COG6: variants seen among roughly 807,000 people sequenced by gnomAD.
The protein encoded by COG6 is conserved oligomeric Golgi complex subunit 6.
COG6 carries 74 observed loss-of-function variants against 88.8 expected under a neutral mutation model. That is an observed-to-expected ratio of 0.83 (90% confidence interval 0.69 to 1.01). The LOEUF (loss-of-function observed/expected upper bound fraction) is 1.01. COG6 is among the 50% of genes least tolerant of loss of function. COG6 has a pLI of 0.00. For missense variants in COG6, 800 were observed against 797.9 expected (o/e 1.00, Z -0.03); for synonymous variants, 286 against 278.7 (o/e 1.03, Z -0.26).
At position 39,674,072 on chromosome 13, in the gene COG6, T is replaced by A. The variant is rs183938206; in HGVS notation, c.429-3396T>A. On this transcript the variant is annotated intron_variant, in intron 4 of 18. Transcript: ENST00000455146. Reference sequence around the variant, plus strand: ...TTTTATTTTTATTTTTAATTTTTTTTAAATTATACTTTAAGTTCTAGGGTA... The same window carrying A: ...TTTTATTTTTATTTTTAATTTTTTTAAAATTATACTTTAAGTTCTAGGGTA... 1.1e-3 allele frequency among the ~76,000 whole-genome samples: 173 copies of A among 152,184 alleles called. 1 individual carries two copies. Among genetic ancestry groups the A allele is most frequent in the African/African-American group, 3.6e-3 (148 of 41,548 alleles).
At chr13:39,791,625 C>T (rs575678311) in exon 19 of COG6, 136 of 151,700 alleles carry the variant, frequency 9.0e-4, no homozygotes, top group African/African-American at 2.7e-3. Flanking sequence ...CTGAATAAAA[C>T]GAGGCAACCA....
At chr13:39,696,043 A>G (rs1392689851) in intron 12 of COG6, among the ~76,000 whole-genome samples, 1 of 152,050 alleles carries the variant, frequency 6.6e-6, no homozygotes, top group Non-Finnish European at 1.5e-5. Context: ...TTTCTAATGT[A>G]GAAAATGCTG....
chr13:39,656,977 C>T (rs185309227), intron 1 of COG6: 7 of 433,666 alleles, frequency 1.6e-5, no homozygotes, highest in East Asian at 7.0e-5. Flanking sequence ...TTTAATGTGT[C>T]TCATATTGAT....
chr13:39,683,266 T>A (rs1429436308), intron 8 of COG6, among the ~76,000 whole-genome samples: 1 of 152,188 alleles, frequency 6.6e-6, no homozygotes, highest in Admixed American at 6.5e-5. Context: ...CTAGAAGTCA[T>A]GTGCCAGATG....
Position 39,687,722 on chromosome 13 carries a change from T to C in COG6, c.932T>C (p.Met311Thr), listed in dbSNP as rs201373002. Reference protein sequence around the residue: ...SHDPLRYVGDMLAWLHQATAS... With the variant: ...SHDPLRYVGDTLAWLHQATAS... ...GTTTTCATTAGGTATGTAGGAGATA[T>C]GTTGGCTTGGCTCCATCAAGCTACT... The change falls in exon 10 of 19, where the codon ATG becomes ACG. Residue 311 changes from methionine (M) to threonine (T), a missense_variant. By Grantham distance (81) the Met-to-Thr change is moderately conservative. Coordinates refer to ENST00000455146, the MANE Select transcript of COG6 (RefSeq NM_020751.3). 4 of 1,613,968 alleles carry C rather than the reference T, an allele frequency of 2.5e-6. No homozygotes were observed. The highest frequency in any genetic ancestry group is 2.2e-5 in the East Asian group (1 of 44,890).
In COG6 at chr13:39,752,290, T is replaced by C. The variant is rs1227674653; in HGVS notation, c.*1197T>C. On this transcript the variant is annotated 3_prime_UTR_variant, in exon 19 of 19. Coordinates refer to ENST00000455146, the MANE Select transcript of COG6 (RefSeq NM_020751.3). Reference sequence around the variant, plus strand: ...ACATAAAACTAGTATTTGTAGAAGATTATGTGTTGTATATAACAAATTAGT... The same window carrying C: ...ACATAAAACTAGTATTTGTAGAAGACTATGTGTTGTATATAACAAATTAGT... 1 of 870,690 alleles carries C rather than the reference T, an allele frequency of 1.1e-6. No individual in the cohort carries two copies. The highest frequency in any genetic ancestry group is 3.7e-5 in the Admixed American group (1 of 27,326). The allele number at this position is 870,690 out of a possible 1,614,324, so 53.9% of individuals were successfully genotyped here.
intron 18 of COG6, among the ~76,000 whole-genome samples, chr13:39,783,430 G>A (rs1593489316): frequency 6.6e-6 from 1 of 152,108 alleles, no homozygotes; most frequent in South Asian, 2.1e-4. Flanking sequence ...GTTCATTTTT[G>A]TTCTGTTTTG....
At position 39,751,827 on chromosome 13, in the gene COG6, C is replaced by T. The variant is rs1476636772; in HGVS notation, c.*734C>T. ...CGATGGAACTCAAGGTGGAGCTCAG[C>T]CTTTCCAATGAGCTCTAAGCATGTA... On this transcript the variant is annotated 3_prime_UTR_variant, in exon 19 of 19. Coordinates refer to ENST00000455146, the MANE Select transcript of COG6 (RefSeq NM_020751.3). 1 of 1,287,142 alleles carries T rather than the reference C, an allele frequency of 7.8e-7. No individual in the cohort carries two copies. The highest frequency in any genetic ancestry group is 1.2e-5 in the South Asian group (1 of 80,936). 79.7% of individuals were successfully genotyped at this position (1,287,142 alleles called of 1,614,324 possible). A position where few individuals can be genotyped will look rare whatever the true frequency, so the allele number is the denominator to read the frequency against.
rs114359534 is a variant in COG6, at chr13:39,722,892, C to T, written c.1585-441C>T. On this transcript the variant is annotated intron_variant, in intron 15 of 18. Transcript: ENST00000455146. ...TCCTCAGGAGAATTTACTACCTGAG[C>T]TGTAGTGGGATTTCCTCTAGGCTTC... Among the ~76,000 whole-genome samples the T allele has an allele frequency of 8.3e-3, 1,257 of 152,126 alleles. 21 individuals carry two copies. The highest frequency in any genetic ancestry group is 0.029 in the African/African-American group (1,190 of 41,516).
chr13:39,733,455 C>CTG (rs1409739365), intron 18 of COG6, among the ~76,000 whole-genome samples: 1 of 151,972 alleles, frequency 6.6e-6, no homozygotes, highest in African/African-American at 2.4e-5. Context: ...TCCCAAAGTG[C>CTG]TGGGATTACA....
intron 11 of COG6, among the ~76,000 whole-genome samples, chr13:39,693,078 A>G (rs1010034230): frequency 2.0e-5 from 3 of 151,844 alleles, no homozygotes; most frequent in African/African-American, 7.3e-5. Flanking sequence ...ACCCTCTTAT[A>G]TAGCTCTCAT....
intron 11 of COG6, among the ~76,000 whole-genome samples, chr13:39,691,988 G>A (rs1877005416): frequency 1.3e-5 from 2 of 150,548 alleles, no homozygotes; most frequent in African/African-American, 2.4e-5. Flanking sequence ...AAAGGTTATA[G>A]TGGTAATGGG....
intron 18 of COG6, among the ~76,000 whole-genome samples, chr13:39,731,892 C>T (rs552276768): frequency 6.6e-6 from 1 of 152,116 alleles, no homozygotes; most frequent in Non-Finnish European, 1.5e-5. Flanking sequence ...GCTTTAGAGA[C>T]CTCAGAAAGT....
intron 17 of COG6, 67 bp downstream of exon 17, chr13:39,724,628 T>G: frequency 8.2e-7 from 1 of 1,220,002 alleles, no homozygotes; most frequent in Non-Finnish European, 1.2e-6. Context: ...TTTTTTGCTG[T>G]GTGATAATTT....
In COG6 at chr13:39,725,398, G is replaced by A. The variant is rs570209704; in HGVS notation, c.1746+837G>A. ...GATCCTAAGTATTTAAAATACTCAC[G>A]TATACTCACTACCACAATGGCCTGA... is the stretch of plus-strand genomic sequence containing the variant. On this transcript the variant is annotated intron_variant, in intron 17 of 18. Coordinates refer to ENST00000455146, the MANE Select transcript of COG6 (RefSeq NM_020751.3). Among the ~76,000 whole-genome samples the A allele has an allele frequency of 7.9e-5, 12 of 151,804 alleles. No homozygotes were observed. In the South Asian group the frequency reaches 1.7e-3, roughly 21 times the overall value.
At chr13:39,731,856 A>C (rs1300644205) in intron 18 of COG6, among the ~76,000 whole-genome samples, 2 of 152,194 alleles carry the variant, frequency 1.3e-5, no homozygotes, top group Admixed American at 6.5e-5. Context: ...CCAGGAAGAG[A>C]ACTACTGGAC....
chr13:39,713,311 T>C (rs539443391), intron 13 of COG6, among the ~76,000 whole-genome samples: 61 of 152,364 alleles, frequency 4.0e-4, no homozygotes, highest in African/African-American at 1.4e-3. Flanking sequence ...CAAAGCCCAC[T>C]TAATTCTAGT....
chr13:39,691,172 C>T (rs1876958334), intron 11 of COG6, among the ~76,000 whole-genome samples: 1 of 151,654 alleles, frequency 6.6e-6, no homozygotes, highest in Non-Finnish European at 1.5e-5. Context: ...TTTATAAATA[C>T]TATAATTTTA....
At chr13:39,737,474 C>A (rs1879824312) in intron 18 of COG6, among the ~76,000 whole-genome samples, 1 of 150,680 alleles carries the variant, frequency 6.6e-6, no homozygotes, top group Non-Finnish European at 1.5e-5. Flanking sequence ...GAGTCAGGAA[C>A]CTTAGGAATC....
Sources: allele counts gnomAD v4.1 joint callset (sites outside exome capture counted in the v4.1 genomes callset), GRCh38; gene constraint gnomAD v4.1.1; transcripts MANE v1.5; gene names NCBI Gene and HGNC (gene_info 2026-07-23, HGNC 2026-07-21).